Variants in IQCH observed in about 807,000 individuals in gnomAD.
The protein encoded by IQCH is IQ domain-containing protein H.
In IQCH, 98 loss-of-function variants were observed where a neutral mutation model predicts 117.0. The ratio of observed to expected loss-of-function variants is 0.84; its 90% CI spans 0.71 to 0.99. The LOEUF (loss-of-function observed/expected upper bound fraction) is 0.99, where lower values mean the gene tolerates loss of function less well. IQCH is among the 50% of genes least tolerant of loss of function. The pLI is 0.00. For missense variants in IQCH, 1,102 were observed against 1,243.8 expected, an observed-to-expected ratio of 0.89 and a Z score of 1.72; for synonymous variants, 412 against 448.2, an observed-to-expected ratio of 0.92 and a Z score of 1.02.
chr15:67,499,241 G>A (rs2083910628), intron 20 of IQCH, among the ~76,000 whole-genome samples: 3 of 125,242 alleles, frequency 2.4e-5, no homozygotes, highest in South Asian at 5.5e-4. Flanking sequence ...CAAAGCTGAA[G>A]TGAGTCATAA....
rs138665799 is a variant in IQCH, at chr15:67,330,334, A to G, written c.388-6641A>G. ...TTGCCCTGTGGATAAGAGGATTCCT[A>G]TTTTACAGAAGATAAAACTGAGACT... On this transcript the variant is annotated intron_variant, in intron 4 of 20. Transcript: ENST00000335894. Among the ~76,000 whole-genome samples the G allele has an allele frequency of 1.2e-3, 178 of 152,326 alleles. 1 individual carries two copies. Among genetic ancestry groups the G allele is most frequent in the African/African-American group, 4.0e-3 (168 of 41,580 alleles).
chr15:67,341,312 C>T (rs1337578753), intron 5 of IQCH, among the ~76,000 whole-genome samples: 1 of 152,158 alleles, frequency 6.6e-6, no homozygotes, highest in Non-Finnish European at 1.5e-5. Context: ...TCCTTGTGAA[C>T]AAGAAATTCC....
At chr15:67,317,053 AAACTTCCCC>A (rs1438710100) in intron 4 of IQCH, among the ~76,000 whole-genome samples, 1 of 152,178 alleles carries the variant, frequency 6.6e-6, no homozygotes, top group Non-Finnish European at 1.5e-5. Context: ...TTTAAGATGA[AAACTTCCCC>A]AACTACGTTC....
intron 4 of IQCH, among the ~76,000 whole-genome samples, chr15:67,293,203 T>C (rs1232906985): frequency 1.3e-5 from 2 of 152,246 alleles, no homozygotes; most frequent in Non-Finnish European, 2.9e-5. Context: ...ACCTCTATTA[T>C]GTACCTAATA....
chr15:67,494,439 AAAC>A lies in IQCH; in HGVS notation c.2970+76_2970+78del. On this transcript the variant is annotated intron_variant, in intron 20 of 20. Coordinates refer to ENST00000335894, the MANE Select transcript of IQCH (RefSeq NM_001031715.3). This position sits in a 1 kb window ranked among gnomAD's most constrained non-coding sequence, Gnocchi z 5.5. The stretch of plus-strand genomic sequence containing the variant: ...CTGAAAATACCTCATGCTGTATTGT[AAAC>A]AAGTGCTAAACCATCTTTTTTTTAT... 2 of 999,922 alleles carry A rather than the reference AAAC, an allele frequency of 2.0e-6. No homozygotes were observed. The highest frequency in any genetic ancestry group is 3.0e-6 in the Non-Finnish European group (2 of 656,750). The allele number at this position is 999,922 out of a possible 1,614,324, so 61.9% of individuals were successfully genotyped here.
intron 16 of IQCH, among the ~76,000 whole-genome samples, chr15:67,461,815 G>T (rs1407989315): frequency 6.6e-6 from 1 of 152,150 alleles, no homozygotes; most frequent in African/African-American, 2.4e-5. Flanking sequence ...CTGCCTACTG[G>T]ATTGAGTTGT....
intron 5 of IQCH, among the ~76,000 whole-genome samples, chr15:67,339,330 A>G (rs560423830): frequency 3.1e-4 from 47 of 152,346 alleles, no homozygotes; most frequent in African/African-American, 1.1e-3. Context: ...TCATACAAAC[A>G]TAAAATGAAC....
At chr15:67,486,689 C>A (rs1392161420) in intron 18 of IQCH, among the ~76,000 whole-genome samples, 1 of 152,008 alleles carries the variant, frequency 6.6e-6, no homozygotes, top group Non-Finnish European at 1.5e-5. Context: ...CTAATGTAAA[C>A]CACAGAGATA....
At chr15:67,326,358 G>A (rs1968407888) in intron 4 of IQCH, among the ~76,000 whole-genome samples, 1 of 152,156 alleles carries the variant, frequency 6.6e-6, no homozygotes, top group African/African-American at 2.4e-5. Flanking sequence ...TCTTAATCCA[G>A]TCTATCATTG....
At chr15:67,322,470 C>T (rs1968180180) in intron 4 of IQCH, among the ~76,000 whole-genome samples, 1 of 152,100 alleles carries the variant, frequency 6.6e-6, no homozygotes, top group South Asian at 2.1e-4. Flanking sequence ...TAGTTCATTT[C>T]CATTTAATGA....
chr15:67,433,093 A>G lies in IQCH; in HGVS notation c.2505+11516A>G, dbSNP rs529969824. Among the ~76,000 whole-genome samples the G allele has an allele frequency of 3.3e-5, 5 of 152,348 alleles. No homozygotes were observed. The highest frequency in any genetic ancestry group is 2.1e-4 in the South Asian group (1 of 4,822). On this transcript the variant is annotated intron_variant, in intron 16 of 20. Coordinates refer to ENST00000335894, the MANE Select transcript of IQCH (RefSeq NM_001031715.3). The surrounding 1 kb of genome is among the most constrained non-coding windows in gnomAD (Gnocchi z 5.4). ...CTATTATTCAGTGTTTTAAAGTGCT[A>G]TAGTGGGCAGATTGTTAATCACAAG...
intron 4 of IQCH, among the ~76,000 whole-genome samples, chr15:67,327,529 T>G (rs1968464737): frequency 6.6e-6 from 1 of 152,236 alleles, no homozygotes. Context: ...CTTTTTCTTT[T>G]TACTGTGGAC....
In IQCH at chr15:67,391,835, G is replaced by C. The variant is rs1325067589; in HGVS notation, c.1632+2829G>C. ...CTTGCCTGGAGTCTAGGGCATGCCC[G>C]CAGATGACTATAATACAGAGTTGGG... On this transcript the variant is annotated intron_variant, in intron 12 of 20. Coordinates refer to ENST00000335894, the MANE Select transcript of IQCH (RefSeq NM_001031715.3). The surrounding 1 kb of genome is among the most constrained non-coding windows in gnomAD (Gnocchi z 4.3). Among the ~76,000 whole-genome samples the C allele has an allele frequency of 6.6e-6, 1 of 152,156 alleles. No homozygotes were observed. Among genetic ancestry groups the C allele is most frequent in the East Asian group, 1.9e-4 (1 of 5,192 alleles).
intron 18 of IQCH, among the ~76,000 whole-genome samples, chr15:67,489,516 C>T (rs1237868717): frequency 1.5e-4 from 1 of 6,864 alleles, no homozygotes; most frequent in Non-Finnish European, 3.5e-4. Context: ...AGGCTGGCCT[C>T]CTGGGCTCAC....
Position 67,493,939 on chromosome 15 carries a change from G to A in IQCH, c.2862-319G>A, listed in dbSNP as rs951500027. On this transcript the variant is annotated intron_variant, in intron 19 of 20. Transcript: ENST00000335894. The surrounding 1 kb of genome is among the most constrained non-coding windows in gnomAD (Gnocchi z 5.1). ...TTTTCTGTCCTTGCGATAGTTTGCT[G>A]AGAATGATGGGCTTAAACCATTTTT... Among the ~76,000 whole-genome samples the A allele has an allele frequency of 1.3e-5, 2 of 152,186 alleles. No homozygotes were observed. Among genetic ancestry groups the A allele is most frequent in the African/African-American group, 4.8e-5 (2 of 41,442 alleles).
chr15:67,266,773 A>T (rs1596062168), intron 3 of IQCH, among the ~76,000 whole-genome samples: 1 of 152,154 alleles, frequency 6.6e-6, no homozygotes, highest in East Asian at 1.9e-4. Flanking sequence ...AAGTTTTGGG[A>T]TTTTTTTGGC....
At chr15:67,264,667 C>T (rs990785102) in intron 3 of IQCH, among the ~76,000 whole-genome samples, 6 of 152,002 alleles carry the variant, frequency 3.9e-5, no homozygotes, top group African/African-American at 1.5e-4. Flanking sequence ...ATCACATCTA[C>T]TCTGTTCTGT....
rs1185599104 is a variant in IQCH, at chr15:67,372,366, C to G, written c.1009C>G (p.Leu337Val). 22 of 1,614,102 alleles carry G rather than the reference C, an allele frequency of 1.4e-5. No homozygotes were observed. The highest frequency in any genetic ancestry group is 5.0e-5 in the Admixed American group (3 of 60,012). ...TCCAGAGTTTGAGCTGACGAATAAA[C>G]TTACCAGATATGACCTTCTCTCAGT... ...LLPEFELTNK[L>V]TRYDLLSVLE... The change falls in exon 9 of 21, where the codon CTT (leucine) becomes GTT (valine). Residue 337 changes from leucine (L) to valine (V), a missense_variant. Physicochemically the swap from Leu to Val is conservative, Grantham distance 32 (BLOSUM62 1). This residue lies in a region of IQCH where 452 missense variants were observed against 449.6 expected (regional missense o/e 1.01). Transcript: ENST00000335894.
At position 67,404,684 on chromosome 15, in the gene IQCH, C is replaced by T. The variant is rs753537204; in HGVS notation, c.2097+4379C>T. The T allele has an allele frequency of 8.6e-5, 13 of 152,002 alleles. No homozygotes were observed. The highest frequency in any genetic ancestry group is 1.6e-4 in the Non-Finnish European group (11 of 68,018). The allele number at this position is 152,002 out of a possible 1,614,324, so 9.4% of individuals were successfully genotyped here. ...AATATTTTCCATGTTTATACATAGT[C>T]GTCACAATTATTAGATGCATAATAT... is the stretch of plus-strand genomic sequence containing the variant. On this transcript the variant is annotated intron_variant, in intron 14 of 20. Coordinates refer to ENST00000335894, the MANE Select transcript of IQCH (RefSeq NM_001031715.3). This position sits in a 1 kb window ranked among gnomAD's most constrained non-coding sequence, Gnocchi z 4.6.
Sources: gnomAD v4.1 joint callset for allele counts (sites outside exome capture counted in the v4.1 genomes callset) on GRCh38, gnomAD v4.1.1 for gene constraint, gnomAD v4.1.1 regional missense constraint, Gnocchi (gnomAD v3.1) non-coding constraint, MANE v1.5 for transcripts, NCBI Gene and HGNC (gene_info 2026-07-23, HGNC 2026-07-21) for gene names.